Variants in REDIC1 observed in about 807,000 individuals in gnomAD.
REDIC1 encodes regulator of DNA class I crossover intermediates 1.
the REDIC1 span, among the ~76,000 whole-genome samples, chr12:39,670,357 A>C: frequency 6.6e-6 from 1 of 151,944 alleles, no homozygotes; most frequent in Admixed American, 6.6e-5. Flanking sequence ...CACCCAGCTA[A>C]TTTTTGTATT....
chr12:39,722,261 T>A, the REDIC1 span, among the ~76,000 whole-genome samples: 1 of 152,146 alleles, frequency 6.6e-6, no homozygotes, highest in South Asian at 2.1e-4. Flanking sequence ...ATAGTAGCAA[T>A]CTTCAGGTTT....
chr12:39,713,664 T>C, the REDIC1 span, among the ~76,000 whole-genome samples: 1 of 147,688 alleles, frequency 6.8e-6, no homozygotes, highest in Admixed American at 6.8e-5. Flanking sequence ...TACATGCGTA[T>C]ATACATATGT....
At chr12:39,871,658 G>A in the REDIC1 span, 1 of 773,568 alleles carries the variant, frequency 1.3e-6, no homozygotes, top group South Asian at 3.7e-5. Context: ...TTCTTTTTTG[G>A]TCTAGAAGAA....
At chr12:39,712,616 G>C in the REDIC1 span, among the ~76,000 whole-genome samples, 7 of 141,604 alleles carry the variant, frequency 4.9e-5, no homozygotes, top group East Asian at 1.5e-3. Flanking sequence ...TGTATATATA[G>C]ATATGTGTAT....
At chr12:39,664,196 G>T in the REDIC1 span, among the ~76,000 whole-genome samples, 2 of 151,590 alleles carry the variant, frequency 1.3e-5, no homozygotes, top group Non-Finnish European at 2.9e-5. Flanking sequence ...TTTAACATTA[G>T]GTATTTCTCC....
chr12:39,758,029 GA>G, the REDIC1 span: 1 of 151,520 alleles, frequency 6.6e-6, no homozygotes, highest in African/African-American at 2.4e-5. Flanking sequence ...TATTAGATAA[GA>G]AATTTCTTAT....
the REDIC1 span, among the ~76,000 whole-genome samples, chr12:39,853,192 T>C: frequency 7.2e-5 from 11 of 152,204 alleles, no homozygotes; most frequent in Non-Finnish European, 1.5e-4. Context: ...GGTGTTGACT[T>C]GCAAGCAACT....
the REDIC1 span, among the ~76,000 whole-genome samples, chr12:39,844,456 C>T: frequency 2.2e-4 from 34 of 151,940 alleles, no homozygotes; most frequent in African/African-American, 7.7e-4. Flanking sequence ...TAGTAGCATA[C>T]CCATAAATAT....
At chr12:39,685,658 C>G in the REDIC1 span, among the ~76,000 whole-genome samples, 3 of 152,222 alleles carry the variant, frequency 2.0e-5, no homozygotes, top group Admixed American at 6.5e-5. Flanking sequence ...AATCTCATGT[C>G]CTTCCCATAT....
At chr12:39,750,374 T>C in the REDIC1 span, among the ~76,000 whole-genome samples, 1 of 152,006 alleles carries the variant, frequency 6.6e-6, no homozygotes, top group Non-Finnish European at 1.5e-5. Flanking sequence ...GAAGGACCTC[T>C]TCAAGAACTA....
the REDIC1 span, among the ~76,000 whole-genome samples, chr12:39,691,319 A>G: frequency 4.6e-5 from 7 of 152,194 alleles, no homozygotes; most frequent in Admixed American, 1.3e-4. Context: ...TTTATTTTAT[A>G]TATCTAAAAT....
chr12:39,635,960 A>G, the REDIC1 span, among the ~76,000 whole-genome samples: 1 of 152,156 alleles, frequency 6.6e-6, no homozygotes, highest in Non-Finnish European at 1.5e-5. Flanking sequence ...TCTAAAAACC[A>G]GTTTAGTTAT....
At chr12:39,730,437 G>A in the REDIC1 span, among the ~76,000 whole-genome samples, 7 of 152,162 alleles carry the variant, frequency 4.6e-5, no homozygotes, top group Non-Finnish European at 7.3e-5. Flanking sequence ...GGCTGGATAT[G>A]AAATTCTGGG....
chr12:39,662,368 C>T, the REDIC1 span, among the ~76,000 whole-genome samples: 1 of 151,804 alleles, frequency 6.6e-6, no homozygotes, highest in African/African-American at 2.4e-5. Context: ...TAAATTTATT[C>T]CTAGATATTT....
At chr12:39,832,530 C>G in the REDIC1 span, among the ~76,000 whole-genome samples, 1 of 152,008 alleles carries the variant, frequency 6.6e-6, no homozygotes, top group Non-Finnish European at 1.5e-5. Context: ...ACCACTCATC[C>G]AAGCGTGACC....
At chr12:39,842,353 T>C in the REDIC1 span, among the ~76,000 whole-genome samples, 1 of 148,690 alleles carries the variant, frequency 6.7e-6, no homozygotes, top group Non-Finnish European at 1.5e-5. Flanking sequence ...CTAAGAGACT[T>C]GCTCATGTCT....
chr12:39,753,463 G>GGGAA, the REDIC1 span, among the ~76,000 whole-genome samples: 5 of 152,098 alleles, frequency 3.3e-5, no homozygotes, highest in Admixed American at 3.3e-4. Flanking sequence ...TGGAGAATAT[G>GGGAA]GGAAGGTTGT....
At chr12:39,683,919 T>C in the REDIC1 span, among the ~76,000 whole-genome samples, 2 of 152,130 alleles carry the variant, frequency 1.3e-5, no homozygotes, top group Non-Finnish European at 2.9e-5. Context: ...TAGGGAGTGA[T>C]AGAATTCAGA....
the REDIC1 span, among the ~76,000 whole-genome samples, chr12:39,883,870 C>A: frequency 6.6e-6 from 1 of 152,162 alleles, no homozygotes; most frequent in African/African-American, 2.4e-5. Flanking sequence ...AACAGCAAAA[C>A]ACGGAAGTAT....
Sources: gnomAD v4.1 joint callset for allele counts (sites outside exome capture counted in the v4.1 genomes callset) on GRCh38, gnomAD v4.1.1 for gene constraint, MANE v1.5 for transcripts, NCBI Gene and HGNC (gene_info 2026-07-23, HGNC 2026-07-21) for gene names.